Variants in DIS3L2 observed in about 807,000 individuals in gnomAD.
DIS3L2 encodes DIS3 like 3'-5' exoribonuclease 2, also known as DIS3-like exonuclease 2.
Under a neutral mutation model 97.5 loss-of-function variants are expected in DIS3L2, and 34 were observed. The ratio of observed to expected loss-of-function variants is 0.35; its 90% CI spans 0.27 to 0.46. The LOEUF (loss-of-function observed/expected upper bound fraction) is 0.46, where lower values mean the gene tolerates loss of function less well. Ranked by LOEUF, DIS3L2 falls within the 20% of genes least tolerant of loss-of-function variation. The pLI is 1.00. For synonymous variants in DIS3L2, 435 were observed against 445.2 expected (o/e 0.98, Z 0.29); for missense variants, 1,038 against 1,146.0 (o/e 0.91, Z 1.36).
intron 12 of DIS3L2, among the ~76,000 whole-genome samples, chr2:232,258,598 CAAA>C (rs35525137): frequency 9.4e-5 from 7 of 74,636 alleles, no homozygotes; most frequent in East Asian, 4.5e-4. Flanking sequence ...GACTCTGTCT[CAAA>C]AAAAAAAAAA....
At chr2:232,328,230 A>G (rs1309114740) in intron 14 of DIS3L2, among the ~76,000 whole-genome samples, 2 of 152,204 alleles carry the variant, frequency 1.3e-5, no homozygotes, top group African/African-American at 4.8e-5. Flanking sequence ...CACACATCCC[A>G]GCTGTCACCT....
At chr2:232,217,696 A>G (rs558610911) in intron 10 of DIS3L2, among the ~76,000 whole-genome samples, 8 of 152,320 alleles carry the variant, frequency 5.3e-5, no homozygotes, top group African/African-American at 1.9e-4. Context: ...GATATTGCAA[A>G]GGATCCAGAT....
In DIS3L2 at chr2:232,115,239, A is replaced by G. The variant is rs1389860361; in HGVS notation, c.602-15380A>G. Among the ~76,000 whole-genome samples the G allele has an allele frequency of 4.6e-5, 7 of 152,142 alleles. 1 individual carries two copies. In the South Asian group the frequency reaches 6.2e-4, roughly 14 times the overall value. On this transcript the variant is annotated intron_variant, in intron 6 of 20. Coordinates refer to ENST00000325385, the MANE Select transcript of DIS3L2 (RefSeq NM_152383.5). Reference sequence around the variant, plus strand: ...AGGAAGTAAGAAGAAAGGGATGATTACTTTCAAGGAACAAAGGAATGCCTC... The same window carrying G: ...AGGAAGTAAGAAGAAAGGGATGATTGCTTTCAAGGAACAAAGGAATGCCTC...
intron 5 of DIS3L2, among the ~76,000 whole-genome samples, chr2:232,086,586 A>AATATAT (rs1207470520): frequency 9.2e-6 from 1 of 108,858 alleles, no homozygotes; most frequent in Non-Finnish European, 1.8e-5. Flanking sequence ...TGAGCCTTTA[A>AATATAT]ATATATATAT....
In DIS3L2 at chr2:232,022,788, TTG is replaced by T. The variant is rs375035563; in HGVS notation, c.211-1487_211-1486del. ...TGCCATGCTATTCGTTAGGAAATAT[TTG>T]TTGAGTGAGTGGATGAATATTTAGG... On this transcript the variant is annotated intron_variant, in intron 3 of 20. Coordinates refer to ENST00000325385, the MANE Select transcript of DIS3L2 (RefSeq NM_152383.5). Among the ~76,000 whole-genome samples the T allele has an allele frequency of 3.5e-3, 539 of 152,354 alleles. 3 individuals carry two copies. The highest frequency in any genetic ancestry group is 0.012 in the African/African-American group (494 of 41,578).
At chr2:232,136,098 C>T (rs1212150933) in intron 7 of DIS3L2, among the ~76,000 whole-genome samples, 2 of 152,094 alleles carry the variant, frequency 1.3e-5, no homozygotes, top group Admixed American at 1.3e-4. Flanking sequence ...GCAAAAAGCA[C>T]CTACCGTGTT....
intron 10 of DIS3L2, among the ~76,000 whole-genome samples, chr2:232,223,762 T>C (rs72994259): frequency 0.012 from 1,885 of 152,294 alleles, 17 homozygotes; most frequent in Non-Finnish European, 0.018. Context: ...AGTAAGTGTT[T>C]AGTGAAAGTT....
intron 6 of DIS3L2, among the ~76,000 whole-genome samples, chr2:232,100,722 T>G (rs1201334922): frequency 6.6e-6 from 1 of 152,170 alleles, no homozygotes; most frequent in Non-Finnish European, 1.5e-5. Flanking sequence ...TATATTTAAT[T>G]CTTTATAGTT....
At chr2:232,326,523 T>G (rs1272328318) in intron 14 of DIS3L2, among the ~76,000 whole-genome samples, 1 of 152,124 alleles carries the variant, frequency 6.6e-6, no homozygotes, top group East Asian at 1.9e-4. Context: ...GCCTACCTGT[T>G]CACTCTGCCC....
chr2:232,057,721 C>T (rs1695587244), intron 5 of DIS3L2, among the ~76,000 whole-genome samples: 1 of 152,084 alleles, frequency 6.6e-6, no homozygotes, highest in African/African-American at 2.4e-5. Context: ...CTAAGCCATA[C>T]CGAGATACTC....
chr2:232,238,454 A>G, intron 10 of DIS3L2, 79 bp from the exon 11 acceptor site: 1 of 1,201,594 alleles, frequency 8.3e-7, no homozygotes, highest in Non-Finnish European at 1.2e-6. Context: ...GGAGTGACAT[A>G]CATTCTAGGA....
At chr2:232,337,886 A>AC (rs1358292371), downstream of DIS3L2, among the ~76,000 whole-genome samples, 1 of 151,120 alleles carries the variant, frequency 6.6e-6, no homozygotes, top group Non-Finnish European at 1.5e-5. Context: ...GACATCCCGC[A>AC]CCTGCCCTGG....
intron 1 of DIS3L2, among the ~76,000 whole-genome samples, chr2:231,969,202 AT>A (rs1468877863): frequency 3.9e-5 from 6 of 152,032 alleles, no homozygotes. Flanking sequence ...TATTTTTAAA[AT>A]TTATATTTCT....
intron 5 of DIS3L2, among the ~76,000 whole-genome samples, chr2:232,053,397 T>C (rs1270030601): frequency 6.6e-6 from 1 of 152,214 alleles, no homozygotes; most frequent in Non-Finnish European, 1.5e-5. Context: ...ACTGCTGACA[T>C]CAACTGCATG....
intron 9 of DIS3L2, among the ~76,000 whole-genome samples, chr2:232,188,158 A>T (rs1342776151): frequency 6.6e-6 from 1 of 151,938 alleles, no homozygotes; most frequent in African/African-American, 2.4e-5. Flanking sequence ...GTGGAGGGGG[A>T]GGGAGGGAAA....
At chr2:232,309,776 A>G (rs975787378) in intron 14 of DIS3L2, among the ~76,000 whole-genome samples, 1 of 152,230 alleles carries the variant, frequency 6.6e-6, no homozygotes, top group Non-Finnish European at 1.5e-5. Flanking sequence ...GCGTGCTCAC[A>G]GGAAGTGTGA....
intron 13 of DIS3L2, among the ~76,000 whole-genome samples, chr2:232,282,825 C>A (rs528598293): frequency 6.6e-6 from 1 of 152,280 alleles, no homozygotes; most frequent in East Asian, 1.9e-4. Context: ...GGCCATTTTC[C>A]CCACTTTCTG....
intron 10 of DIS3L2, among the ~76,000 whole-genome samples, chr2:232,229,299 C>T (rs1255603207): frequency 1.3e-5 from 2 of 152,200 alleles, no homozygotes; most frequent in African/African-American, 2.4e-5. Context: ...GCCAGTCCTG[C>T]TCCATTCCCA....
rs1553610371 is a variant in DIS3L2 at position 232,136,567 on chromosome 2, CCT to C, written c.799_800del (p.Leu267ValfsTer10). The C allele has an allele frequency of 1.2e-6, 2 of 1,613,820 alleles. No homozygotes were observed. Among genetic ancestry groups the C allele is most frequent in the Non-Finnish European group, 1.7e-6 (2 of 1,179,924 alleles). On this transcript the variant is annotated frameshift_variant, in exon 8 of 21. Transcript: ENST00000325385. LOFTEE classifies it high-confidence loss of function. ...KNSELFRKYA[L>X]FSPSDHRVPR... ...ACAGCGAACTGTTTAGGAAATACGC[CCT>C]GTTTTCTCCCTCAGACCACCGAGTG... is the stretch of plus-strand genomic sequence containing the variant.
Sources: gnomAD v4.1 joint callset for allele counts (sites outside exome capture counted in the v4.1 genomes callset) on GRCh38, gnomAD v4.1.1 for gene constraint, MANE v1.5 for transcripts, NCBI Gene and HGNC (gene_info 2026-07-23, HGNC 2026-07-21) for gene names.